Variants in MACROD2 observed in about 807,000 individuals in gnomAD.
The protein encoded by MACROD2 is ADP-ribose glycohydrolase MACROD2.
MACROD2 carries 36 observed loss-of-function variants against 70.4 expected under a neutral mutation model. The observed-to-expected ratio is 0.51, with a 90% CI of 0.39 to 0.68. MACROD2 has a LOEUF of 0.68. Ranked by LOEUF, MACROD2 falls within the 30% of genes least tolerant of loss-of-function variation. The pLI is 0.00. For synonymous variants in MACROD2, 172 were observed against 178.8 expected (o/e 0.96, Z 0.30); for missense variants, 496 against 538.4 (o/e 0.92, Z 0.78).
At chr20:14,609,416 A>G (rs1297680076) in intron 4 of MACROD2, among the ~76,000 whole-genome samples, 8 of 152,116 alleles carry the variant, frequency 5.3e-5, no homozygotes, top group Non-Finnish European at 8.8e-5. Flanking sequence ...AAGACTTATT[A>G]GCAGACTAGC....
rs142484384 is a variant in MACROD2 at position 15,716,467 on chromosome 20, T to G, written c.646-146278T>G. The stretch of plus-strand genomic sequence containing the variant: ...TTGGAAAGGCACCAACTAAAGCAGC[T>G]GGGAGCTGCTGGAGACCATTTTAAA... On this transcript the variant is annotated intron_variant, in intron 8 of 17. Transcript: ENST00000684519. Among the ~76,000 whole-genome samples the G allele has an allele frequency of 3.3e-3, 507 of 152,328 alleles. 7 individuals carry two copies. Among genetic ancestry groups the G allele is most frequent in the African/African-American group, 0.012 (498 of 41,580 alleles).
intron 12 of MACROD2, among the ~76,000 whole-genome samples, chr20:15,943,036 C>T (rs1214373854): frequency 2.6e-5 from 4 of 152,112 alleles, no homozygotes; most frequent in African/African-American, 9.7e-5. Flanking sequence ...TGTCACCTGG[C>T]AAAGGATTTA....
chr20:15,121,606 T>C (rs1344120905), intron 5 of MACROD2, among the ~76,000 whole-genome samples: 1 of 152,100 alleles, frequency 6.6e-6, no homozygotes, highest in Non-Finnish European at 1.5e-5. Context: ...TGGAGTCTAC[T>C]CTATGTCTAG....
intron 4 of MACROD2, among the ~76,000 whole-genome samples, chr20:14,518,155 T>C (rs1171523649): frequency 1.3e-5 from 2 of 152,136 alleles, no homozygotes; most frequent in African/African-American, 2.4e-5. Context: ...GAAATTAATT[T>C]TTACATGTTT....
At chr20:14,548,133 G>T (rs1978389257) in intron 4 of MACROD2, among the ~76,000 whole-genome samples, 1 of 152,096 alleles carries the variant, frequency 6.6e-6, no homozygotes, top group African/African-American at 2.4e-5. Context: ...GGAATTATTG[G>T]GGCCATATTT....
At chr20:14,454,429 T>G (rs1249336567) in intron 3 of MACROD2, among the ~76,000 whole-genome samples, 1 of 151,534 alleles carries the variant, frequency 6.6e-6, no homozygotes, top group East Asian at 1.9e-4. Flanking sequence ...TTTTTTTTTT[T>G]GTTTGTTTTC....
intron 7 of MACROD2, among the ~76,000 whole-genome samples, chr20:15,473,916 A>T (rs753718558): frequency 2.2e-4 from 34 of 152,316 alleles, no homozygotes; most frequent in Admixed American, 7.8e-4. Context: ...TTGTTTTCCA[A>T]CATAGAAGTG....
chr20:15,620,639 T>C (rs142703181), intron 8 of MACROD2, among the ~76,000 whole-genome samples: 1 of 152,172 alleles, frequency 6.6e-6, no homozygotes, highest in African/African-American at 2.4e-5. Flanking sequence ...ATTCATGTAA[T>C]TTATTTCTAA....
intron 6 of MACROD2, among the ~76,000 whole-genome samples, chr20:15,332,150 T>C (rs6079761): frequency 0.46 from 69,198 of 151,122 alleles, 16,366 homozygotes; most frequent in African/African-American, 0.48. Flanking sequence ...GCTGTTGACA[T>C]GGGCATATCA....
At chr20:14,399,346 A>G (rs2083614109) in intron 3 of MACROD2, among the ~76,000 whole-genome samples, 1 of 152,052 alleles carries the variant, frequency 6.6e-6, no homozygotes, top group South Asian at 2.1e-4. Context: ...CATTTTACTA[A>G]ATATTAACGT....
chr20:14,984,661 A>G (rs2074832766), intron 5 of MACROD2, among the ~76,000 whole-genome samples: 1 of 152,218 alleles, frequency 6.6e-6, no homozygotes, highest in Non-Finnish European at 1.5e-5. Context: ...TTTGAAGGAA[A>G]GTAAAAAACT....
intron 8 of MACROD2, among the ~76,000 whole-genome samples, chr20:15,761,433 A>G (rs2146998773): frequency 6.6e-6 from 1 of 152,364 alleles, no homozygotes; most frequent in South Asian, 2.1e-4. Flanking sequence ...AAAGGGAAGA[A>G]TTTAGCTTAG....
At chr20:14,167,137 T>C (rs2055279681) in intron 3 of MACROD2, among the ~76,000 whole-genome samples, 1 of 152,166 alleles carries the variant, frequency 6.6e-6, no homozygotes, top group Non-Finnish European at 1.5e-5. Context: ...TTTTCATGAA[T>C]CTATCCCATT....
At chr20:14,447,622 C>CCA (rs1419653863) in intron 3 of MACROD2, among the ~76,000 whole-genome samples, 1 of 151,806 alleles carries the variant, frequency 6.6e-6, no homozygotes, top group Non-Finnish European at 1.5e-5. Flanking sequence ...TGTCTGATGT[C>CCA]CACCTGAGGT....
At chr20:15,100,885 T>G (rs1319789288) in intron 5 of MACROD2, among the ~76,000 whole-genome samples, 5 of 152,054 alleles carry the variant, frequency 3.3e-5, no homozygotes, top group Non-Finnish European at 5.9e-5. Flanking sequence ...CCTCTAACAG[T>G]GCTGTTTGGT....
intron 3 of MACROD2, among the ~76,000 whole-genome samples, chr20:14,123,968 C>T (rs1160238119): frequency 6.6e-6 from 1 of 152,056 alleles, no homozygotes; most frequent in Non-Finnish European, 1.5e-5. Flanking sequence ...TTCTTTCTTT[C>T]TTCTTTCATG....
At chr20:15,620,550 A>C (rs2049110741) in intron 8 of MACROD2, among the ~76,000 whole-genome samples, 1 of 152,180 alleles carries the variant, frequency 6.6e-6, no homozygotes, top group African/African-American at 2.4e-5. Context: ...TGAAGAACAC[A>C]CCTGTGCAAT....
intron 5 of MACROD2, among the ~76,000 whole-genome samples, chr20:14,911,897 T>C (rs1172608943): frequency 3.3e-5 from 5 of 152,110 alleles, no homozygotes; most frequent in African/African-American, 9.7e-5. Context: ...TTTCTGAAAT[T>C]ACATTGCAAG....
intron 3 of MACROD2, among the ~76,000 whole-genome samples, chr20:14,212,453 G>A (rs192562008): frequency 3.3e-5 from 5 of 152,062 alleles, no homozygotes; most frequent in South Asian, 2.1e-4. Flanking sequence ...ATTCCAAGAC[G>A]CCTTAAGAAG....
Sources: allele counts gnomAD v4.1 joint callset (sites outside exome capture counted in the v4.1 genomes callset), GRCh38; gene constraint gnomAD v4.1.1; transcripts MANE v1.5; gene names NCBI Gene and HGNC (gene_info 2026-07-23, HGNC 2026-07-21).